The following TJP1 variants were observed in gnomAD, a reference collection of about 807,000 sequenced individuals.
TJP1 encodes the protein tight junction protein ZO-1.
Under a neutral mutation model 194.2 loss-of-function variants are expected in TJP1, and 43 were observed. That is an observed-to-expected ratio of 0.22 (90% CI 0.17 to 0.29). The LOEUF (loss-of-function observed/expected upper bound fraction) is 0.29. TJP1 is among the 10% of genes least tolerant of loss of function. The pLI, the probability that TJP1 is intolerant of heterozygous loss-of-function variation, is 1.00. For missense variants in TJP1, 1,971 were observed against 2,185.7 expected, an observed-to-expected ratio of 0.90 and a Z score of 1.96; for synonymous variants, 801 against 779.0, an observed-to-expected ratio of 1.03 and a Z score of -0.47.
At chr15:29,905,177 T>C (rs1405354762) in intron 2 of TJP1, among the ~76,000 whole-genome samples, 1 of 152,232 alleles carries the variant, frequency 6.6e-6, no homozygotes, top group African/African-American at 2.4e-5. Flanking sequence ...TCCTCAGGCC[T>C]GTTGGCAAAA....
chr15:29,732,843 A>G (rs969913917), intron 13 of TJP1, 28 bp from the exon 14 acceptor site: 1 of 1,547,606 alleles, frequency 6.5e-7, no homozygotes, highest in African/African-American at 1.4e-5. Context: ...AAATTAAAAT[A>G]AGGGCATTTA....
At chr15:29,817,125 C>G (rs1450455749) in intron 1 of TJP1, among the ~76,000 whole-genome samples, 1 of 152,020 alleles carries the variant, frequency 6.6e-6, no homozygotes, top group African/African-American at 2.4e-5. Flanking sequence ...AACAAATATC[C>G]GTATCAAAAA....
chr15:29,800,048 A>T (rs2048681777), intron 2 of TJP1, among the ~76,000 whole-genome samples: 1 of 152,204 alleles, frequency 6.6e-6, no homozygotes, highest in Non-Finnish European at 1.5e-5. Context: ...TGTGAAAACC[A>T]AGGTTTTCGA....
chr15:29,858,931 C>T (rs2051967011), intron 2 of TJP1, among the ~76,000 whole-genome samples: 2 of 151,978 alleles, frequency 1.3e-5, no homozygotes. Flanking sequence ...GGGCTCAAGG[C>T]ATCCTCCAGC....
At chr15:29,807,902 C>G (rs2049218145) in intron 1 of TJP1, among the ~76,000 whole-genome samples, 2 of 152,036 alleles carry the variant, frequency 1.3e-5, no homozygotes, top group Admixed American at 1.3e-4. Flanking sequence ...TTTTATATAT[C>G]CTACAATGAA....
chr15:29,941,776 G>C (rs2055087920), intron 2 of TJP1, among the ~76,000 whole-genome samples: 1 of 152,186 alleles, frequency 6.6e-6, no homozygotes, highest in Non-Finnish European at 1.5e-5. Context: ...GGCTCCACTA[G>C]ATTGTGACCA....
intron 2 of TJP1, among the ~76,000 whole-genome samples, chr15:29,790,618 T>C (rs986845576): frequency 6.6e-6 from 1 of 152,184 alleles, no homozygotes; most frequent in African/African-American, 2.4e-5. Context: ...ATTGTGCTAC[T>C]AAACACTGTA....
chr15:29,958,271 G>A (rs900099993), intron 1 of TJP1, among the ~76,000 whole-genome samples: 9 of 149,596 alleles, frequency 6.0e-5, no homozygotes, highest in African/African-American at 2.2e-4. Context: ...TCAAGTGTTC[G>A]AAGTCTCTCT....
At chr15:29,958,802 GC>G (rs2056046418) in intron 1 of TJP1, among the ~76,000 whole-genome samples, 1 of 151,990 alleles carries the variant, frequency 6.6e-6, no homozygotes, top group African/African-American at 2.4e-5. Flanking sequence ...CCTACAAAAA[GC>G]CCCACCTTCC....
chr15:29,944,928 T>C (rs2152289790), intron 2 of TJP1, among the ~76,000 whole-genome samples: 1 of 152,372 alleles, frequency 6.6e-6, no homozygotes, highest in Non-Finnish European at 1.5e-5. Context: ...TTACTTCTTC[T>C]GTCAGCTTTT....
intron 2 of TJP1, among the ~76,000 whole-genome samples, chr15:29,890,798 T>TG (rs2053279807): frequency 8.6e-6 from 1 of 115,664 alleles, no homozygotes; most frequent in Non-Finnish European, 1.9e-5. Context: ...CTACATCTAC[T>TG]GTTAAAAAAA....
intron 2 of TJP1, among the ~76,000 whole-genome samples, chr15:29,929,133 A>G (rs867268552): frequency 2.6e-5 from 4 of 152,214 alleles, no homozygotes; most frequent in Admixed American, 6.5e-5. Flanking sequence ...TGATCAAAGA[A>G]TCTTTATCAT....
rs1356748411 is a variant in TJP1, at chr15:29,858,597, A to G, written c.307-57895T>C. The stretch of plus-strand genomic sequence containing the variant: ...CTCACTCTGTCAATCAGGCTGGAGT[A>G]CAGTGCCACAATCACAGCTCACTGC... On this transcript the variant is annotated intron_variant, in intron 2 of 28. Transcript: ENST00000356107. Among the ~76,000 whole-genome samples, 4 of 152,060 alleles carry G rather than the reference A, an allele frequency of 2.6e-5. No individual in the cohort carries two copies. In the East Asian group the frequency reaches 7.8e-4, roughly 30 times the overall value.
At chr15:29,787,212 T>C (rs2047755417) in intron 2 of TJP1, among the ~76,000 whole-genome samples, 2 of 152,174 alleles carry the variant, frequency 1.3e-5, no homozygotes, top group South Asian at 4.1e-4. Context: ...CCATCACTGG[T>C]TACAGATGGT....
At chr15:29,933,561 T>C (rs1392122977) in intron 2 of TJP1, among the ~76,000 whole-genome samples, 1 of 152,164 alleles carries the variant, frequency 6.6e-6, no homozygotes, top group Non-Finnish European at 1.5e-5. Flanking sequence ...GAGAGACGGC[T>C]GTGGAGTAAA....
intron 4 of TJP1, 69 bp downstream of exon 4, chr15:29,771,995 C>A: frequency 1.0e-6 from 1 of 989,624 alleles, no homozygotes; most frequent in Non-Finnish European, 1.5e-6. Context: ...AGGATAAATT[C>A]AAATACCAGA....
intron 2 of TJP1, among the ~76,000 whole-genome samples, chr15:29,843,648 C>G (rs1223268309): frequency 6.6e-6 from 1 of 152,292 alleles, no homozygotes; most frequent in East Asian, 1.9e-4. Flanking sequence ...TAGAAAAACA[C>G]AGACAACAAA....
intron 2 of TJP1, among the ~76,000 whole-genome samples, chr15:29,889,860 G>C (rs2053244056): frequency 6.6e-6 from 1 of 152,218 alleles, no homozygotes; most frequent in African/African-American, 2.4e-5. Flanking sequence ...AAACTACTTA[G>C]TAAACGACTA....
chr15:29,730,614 G>A (rs2043571606), intron 15 of TJP1: 2 of 565,208 alleles, frequency 3.5e-6, no homozygotes, highest in East Asian at 4.1e-5. Context: ...AAAAAGAGGA[G>A]CAGTGTGAAG....
Sources: gnomAD v4.1 joint callset for allele counts (sites outside exome capture counted in the v4.1 genomes callset) on GRCh38, gnomAD v4.1.1 for gene constraint, MANE v1.5 for transcripts, NCBI Gene and HGNC (gene_info 2026-07-23, HGNC 2026-07-21) for gene names.